Variants in NAV1 observed in about 807,000 individuals in gnomAD.
NAV1 encodes neuron navigator 1.
Under a neutral mutation model 175.2 loss-of-function variants are expected in NAV1, and 18 were observed. The observed-to-expected ratio is 0.10, with a 90% confidence interval of 0.07 to 0.15. The LOEUF (loss-of-function observed/expected upper bound fraction) is 0.15. NAV1 is among the 10% of genes least tolerant of loss of function. The pLI is 1.00. For synonymous variants in NAV1, 897 were observed against 978.7 expected (o/e 0.92, Z 1.56); for missense variants, 1,731 against 2,436.6 (o/e 0.71, Z 6.10).
chr1:201,573,684 T>C (rs2102178130), intron 1 of NAV1, among the ~76,000 whole-genome samples: 1 of 152,326 alleles, frequency 6.6e-6, no homozygotes, highest in East Asian at 1.9e-4. Context: ...ATGAAAAATA[T>C]ATAAAATGGT....
At position 201,788,361 on chromosome 1, in the gene NAV1, T is replaced by A; in HGVS notation, c.2996-107T>A. The A allele has an allele frequency of 8.3e-7, 1 of 1,208,158 alleles. No individual in the cohort carries two copies. The highest frequency in any genetic ancestry group is 1.2e-6 in the Non-Finnish European group (1 of 831,556). The allele number at this position is 1,208,158 out of a possible 1,614,324, so 74.8% of individuals were successfully genotyped here. A position where few individuals can be genotyped will look rare whatever the true frequency, so the allele number is the denominator to read the frequency against. Reference sequence around the variant, plus strand: ...CTCCTGCCCTCTCCCCATTTGCCTCTCATGCTCCCGGTGCTCCATCCCCCA... The same window carrying A: ...CTCCTGCCCTCTCCCCATTTGCCTCACATGCTCCCGGTGCTCCATCCCCCA... On this transcript the variant is annotated intron_variant, in intron 9 of 29. Transcript: ENST00000367296. The surrounding 1 kb of genome is among the most constrained non-coding windows in gnomAD (Gnocchi z 5.7).
intron 1 of NAV1, among the ~76,000 whole-genome samples, chr1:201,658,146 A>T (rs532637202): frequency 4.1e-4 from 62 of 152,254 alleles, no homozygotes; most frequent in South Asian, 6.2e-4. Flanking sequence ...TCAAACATTG[A>T]GTCTGATTCC....
intron 3 of NAV1, among the ~76,000 whole-genome samples, chr1:201,776,726 A>C (rs2102692195): frequency 6.6e-6 from 1 of 152,166 alleles, no homozygotes; most frequent in Admixed American, 6.5e-5. Flanking sequence ...AAATCTGTTA[A>C]CTGAATTACA....
intron 2 of NAV1, among the ~76,000 whole-genome samples, chr1:201,642,570 C>CCTTCCTTCT (rs1668825478): frequency 2.1e-5 from 1 of 47,514 alleles, no homozygotes; most frequent in Non-Finnish European, 4.1e-5. Context: ...CCCTTTCTTC[C>CCTTCCTTCT]CTTCCTTCTC....
intron 1 of NAV1, among the ~76,000 whole-genome samples, chr1:201,581,698 G>A (rs751612217): frequency 2.0e-4 from 30 of 151,944 alleles, no homozygotes; most frequent in Non-Finnish European, 3.7e-4. Flanking sequence ...GTGTCGTGGT[G>A]GGCGCCTGTT....
At chr1:201,642,699 TC>T (rs1668834037) in intron 2 of NAV1, among the ~76,000 whole-genome samples, 1 of 144,564 alleles carries the variant, frequency 6.9e-6, no homozygotes, top group Non-Finnish European at 1.5e-5. Context: ...CTTTCTTCTC[TC>T]TCTTTCTTTC....
intron 2 of NAV1, among the ~76,000 whole-genome samples, chr1:201,635,233 G>C (rs569005768): frequency 6.6e-6 from 1 of 151,354 alleles, no homozygotes; most frequent in African/African-American, 2.4e-5. Flanking sequence ...TTTTAGTAGA[G>C]ACGGGGTTTC....
chr1:201,805,305 G>A (rs192679718), intron 17 of NAV1, among the ~76,000 whole-genome samples: 5 of 152,230 alleles, frequency 3.3e-5, no homozygotes, highest in South Asian at 4.1e-4. Flanking sequence ...ATGCTTATTC[G>A]GGCAGTAAGT....
intron 2 of NAV1, among the ~76,000 whole-genome samples, chr1:201,713,217 T>TA (rs1160654984): frequency 6.6e-6 from 1 of 152,248 alleles, no homozygotes; most frequent in African/African-American, 2.4e-5. Context: ...TGATCTTTGA[T>TA]AGTCAGTCTC....
chr1:201,627,316 A>T (rs1668360461), intron 1 of NAV1, among the ~76,000 whole-genome samples: 1 of 151,538 alleles, frequency 6.6e-6, no homozygotes, highest in Non-Finnish European at 1.5e-5. Flanking sequence ...TCTGTCGCCC[A>T]GGCTGGAGTG....
chr1:201,781,174 G>T (rs373949516), exon 5 of NAV1: 2 of 1,614,026 alleles, frequency 1.2e-6, no homozygotes, highest in African/African-American at 2.7e-5. Context: ...GAGCTGTGAT[G>T]ATTCATCCAA....
rs1442853826 is a variant in NAV1 at position 201,817,117 on chromosome 1, C to T, written c.5370C>T (p.Asp1790=). 4.3e-6 allele frequency: 7 copies of T among 1,614,002 alleles called. No individual in the cohort carries two copies. The African/African-American group carries it at 9.3e-5, about 22-fold the overall frequency. ...ATGGACAGAAAGCTGCTTGGGAGGA[C>T]CCAGTGGAATGGGTCCGGGACACAC... is the stretch of plus-strand genomic sequence containing the variant. The change falls in exon 29 of 30, where the codon GAC becomes GAT. Residue 1790 remains aspartate (D), a synonymous_variant. Coordinates refer to ENST00000367296, the Ensembl canonical transcript of NAV1.
At chr1:201,546,807 G>A (rs1019276907) in intron 1 of NAV1, among the ~76,000 whole-genome samples, 1 of 151,462 alleles carries the variant, frequency 6.6e-6, no homozygotes, top group Middle Eastern at 3.4e-3. Context: ...AGGGGGCTGA[G>A]GCAGGAGAAT....
chr1:201,619,891 G>C (rs549266401), upstream of NAV1, among the ~76,000 whole-genome samples: 7 of 152,368 alleles, frequency 4.6e-5, no homozygotes, highest in Admixed American at 2.0e-4. Context: ...CCCTTCTTCT[G>C]CTGGGTAGGA....
intron 1 of NAV1, among the ~76,000 whole-genome samples, chr1:201,579,317 C>T (rs1052506413): frequency 2.6e-5 from 4 of 152,140 alleles, no homozygotes; most frequent in East Asian, 1.9e-4. Context: ...GAGACCTCAT[C>T]GCCATGTTGT....
intron 3 of NAV1, among the ~76,000 whole-genome samples, chr1:201,741,255 C>T (rs901972224): frequency 6.6e-6 from 1 of 152,176 alleles, no homozygotes; most frequent in Non-Finnish European, 1.5e-5. Flanking sequence ...CACCAGGAGC[C>T]CCTTGGAAGC....
chr1:201,762,491 A>G (rs1674923123), intron 3 of NAV1, among the ~76,000 whole-genome samples: 1 of 152,236 alleles, frequency 6.6e-6, no homozygotes, highest in African/African-American at 2.4e-5. Flanking sequence ...AAAGAAGAAC[A>G]ATATTTTGTG....
intron 2 of NAV1, among the ~76,000 whole-genome samples, 69 bp downstream of exon 2, chr1:201,588,718 A>C (rs1667105900): frequency 6.6e-6 from 1 of 152,134 alleles, no homozygotes; most frequent in Non-Finnish European, 1.5e-5. Flanking sequence ...GGACAGGAAA[A>C]ATAGGGAGTG....
chr1:201,639,317 C>A (rs548903690), intron 2 of NAV1, among the ~76,000 whole-genome samples: 1 of 152,134 alleles, frequency 6.6e-6, no homozygotes, highest in Non-Finnish European at 1.5e-5. Context: ...GGGAAGCCAG[C>A]GAGGTCATCA....
Sources: allele counts gnomAD v4.1 joint callset (sites outside exome capture counted in the v4.1 genomes callset), GRCh38; gene constraint gnomAD v4.1.1; non-coding constraint Gnocchi (gnomAD v3.1); transcripts MANE v1.5; gene names NCBI Gene and HGNC (gene_info 2026-07-23, HGNC 2026-07-21).